DNER: variants seen among roughly 807,000 people sequenced by gnomAD.
DNER encodes delta and Notch-like epidermal growth factor-related receptor.
A neutral mutation model predicts 78.2 loss-of-function variants in DNER; 33 were observed. That is an observed-to-expected ratio of 0.42 (90% CI 0.32 to 0.56). The LOEUF (loss-of-function observed/expected upper bound fraction) is 0.56. DNER is among the 20% of genes least tolerant of loss of function. DNER has a pLI of 0.11. For synonymous variants in DNER, 417 were observed against 384.8 expected (o/e 1.08, Z -0.98); for missense variants, 918 against 975.3 (o/e 0.94, Z 0.78).
intron 8 of DNER, among the ~76,000 whole-genome samples, chr2:229,439,894 C>T (rs1431525427): frequency 6.6e-6 from 1 of 152,190 alleles, no homozygotes; most frequent in Admixed American, 6.5e-5. Flanking sequence ...ACAGACTCTG[C>T]TAACTCCTAT....
intron 1 of DNER, among the ~76,000 whole-genome samples, chr2:229,693,294 C>T (rs1415384437): frequency 6.6e-6 from 1 of 151,818 alleles, no homozygotes; most frequent in East Asian, 1.9e-4. Flanking sequence ...CCTGAGCCCT[C>T]CCCAGCCCTG....
chr2:229,561,892 G>C (rs1323405830), intron 4 of DNER, among the ~76,000 whole-genome samples: 3 of 152,094 alleles, frequency 2.0e-5, no homozygotes, highest in African/African-American at 7.2e-5. Flanking sequence ...TGTGACCAGT[G>C]AGACAAAGTA....
At chr2:229,583,931 C>A (rs1313092263) in intron 4 of DNER, among the ~76,000 whole-genome samples, 1 of 152,178 alleles carries the variant, frequency 6.6e-6, no homozygotes, top group Non-Finnish European at 1.5e-5. Flanking sequence ...TCTTTACCTT[C>A]TTTTCACCCA....
intron 4 of DNER, among the ~76,000 whole-genome samples, chr2:229,573,895 T>C (rs1203843506): frequency 6.6e-6 from 1 of 152,224 alleles, no homozygotes; most frequent in Non-Finnish European, 1.5e-5. Context: ...ACATTTACCA[T>C]TACTCCAATG....
chr2:229,615,778 C>G (rs990401964), intron 1 of DNER, among the ~76,000 whole-genome samples: 2 of 136,332 alleles, frequency 1.5e-5, no homozygotes, highest in East Asian at 4.2e-4. Context: ...CATCCCTTCA[C>G]TAGGAGACTA....
intron 8 of DNER, among the ~76,000 whole-genome samples, chr2:229,440,219 A>G (rs1694202626): frequency 6.6e-6 from 1 of 152,194 alleles, no homozygotes; most frequent in Non-Finnish European, 1.5e-5. Context: ...AAGAAGGCAA[A>G]TATCACGAAT....
Position 229,432,625 on chromosome 2 carries a change from T to G in DNER, c.1487-14395A>C, listed in dbSNP as rs112150665. Among the ~76,000 whole-genome samples, 199 of 152,336 alleles carry G rather than the reference T, an allele frequency of 1.3e-3. 1 individual carries two copies. Among genetic ancestry groups the G allele is most frequent in the Admixed American group, 3.6e-3 (55 of 15,298 alleles). ...TTGAGGTATCCGCACTCATCACACT[T>G]GGGTCTCAGTGCAGTCCCCAGACCA... On this transcript the variant is annotated intron_variant, in intron 8 of 12. Coordinates refer to ENST00000341772, the MANE Select transcript of DNER (RefSeq NM_139072.4).
chr2:229,674,995 T>C (rs1296376306), intron 1 of DNER, among the ~76,000 whole-genome samples: 5 of 152,216 alleles, frequency 3.3e-5, no homozygotes, highest in African/African-American at 1.2e-4. Context: ...AGTCATCTTT[T>C]ATATAAAAAT....
intron 4 of DNER, among the ~76,000 whole-genome samples, chr2:229,578,191 A>T (rs1317859049): frequency 6.6e-6 from 1 of 152,130 alleles, no homozygotes; most frequent in East Asian, 1.9e-4. Flanking sequence ...TTCCTATGGG[A>T]GTCCTTTCTT....
chr2:229,386,624 AG>A (rs202072491), intron 11 of DNER, among the ~76,000 whole-genome samples: 3,978 of 151,858 alleles, frequency 0.026, 165 homozygotes, highest in African/African-American at 0.091. Flanking sequence ...AAAATTTACA[AG>A]AAAAAAAAAA....
chr2:229,628,485 A>G (rs1453221741), intron 1 of DNER, among the ~76,000 whole-genome samples: 2 of 152,224 alleles, frequency 1.3e-5, no homozygotes, highest in Non-Finnish European at 2.9e-5. Flanking sequence ...TAAGTGTTGC[A>G]GAGAGGCCAT....
intron 5 of DNER, among the ~76,000 whole-genome samples, chr2:229,521,062 C>T (rs1215167897): frequency 6.6e-6 from 1 of 152,238 alleles, no homozygotes; most frequent in Non-Finnish European, 1.5e-5. Flanking sequence ...GGAATTCCTG[C>T]TTACAGAGCC....
chr2:229,547,814 G>C (rs1337941725), intron 4 of DNER, among the ~76,000 whole-genome samples: 2 of 152,160 alleles, frequency 1.3e-5, no homozygotes, highest in Non-Finnish European at 2.9e-5. Flanking sequence ...TTATGTCCTA[G>C]AGCAGCTATT....
At chr2:229,480,180 G>A (rs1695126183) in intron 6 of DNER, among the ~76,000 whole-genome samples, 1 of 152,130 alleles carries the variant, frequency 6.6e-6, no homozygotes, top group African/African-American at 2.4e-5. Flanking sequence ...TAAACATAGA[G>A]AGATGAGGTT....
intron 4 of DNER, among the ~76,000 whole-genome samples, chr2:229,571,075 C>T (rs1194149864): frequency 6.6e-6 from 1 of 152,074 alleles, no homozygotes; most frequent in African/African-American, 2.4e-5. Flanking sequence ...AGTGAGGCAG[C>T]TTCTGCAATA....
At chr2:229,402,296 GACAA>G (rs544272584) in intron 10 of DNER, among the ~76,000 whole-genome samples, 79 of 152,180 alleles carry the variant, frequency 5.2e-4, no homozygotes, top group African/African-American at 1.9e-3. Flanking sequence ...TCAATAGTAT[GACAA>G]ACAACCAAAA....
chr2:229,706,352 A>G (rs115994675), intron 1 of DNER, among the ~76,000 whole-genome samples: 1 of 150,742 alleles, frequency 6.6e-6, no homozygotes, highest in African/African-American at 2.4e-5. Context: ...GGAGTTCAAG[A>G]CTAGCCTGAC....
At chr2:229,702,886 C>T (rs1574575085) in intron 1 of DNER, among the ~76,000 whole-genome samples, 1 of 132,436 alleles carries the variant, frequency 7.6e-6, no homozygotes, top group East Asian at 2.2e-4. Context: ...CACTGCACTC[C>T]AGCCTGGGGG....
chr2:229,669,032 A>G (rs1041944772), intron 1 of DNER, among the ~76,000 whole-genome samples: 2 of 152,180 alleles, frequency 1.3e-5, no homozygotes, highest in Non-Finnish European at 2.9e-5. Flanking sequence ...ATGGAATACT[A>G]TGCAGTCATA....
Sources: allele counts gnomAD v4.1 joint callset (sites outside exome capture counted in the v4.1 genomes callset), GRCh38; gene constraint gnomAD v4.1.1; transcripts MANE v1.5; gene names NCBI Gene and HGNC (gene_info 2026-07-23, HGNC 2026-07-21).